METAP1D: variants seen among roughly 807,000 people sequenced by gnomAD.
The protein encoded by METAP1D is methionine aminopeptidase 1D, mitochondrial.
Under a neutral mutation model 40.5 loss-of-function variants are expected in METAP1D, and 31 were observed. That is an observed-to-expected ratio of 0.77 (90% CI 0.58 to 1.03). METAP1D has a LOEUF of 1.03. Among genes scored for constraint, METAP1D ranks in the 50% least tolerant of loss-of-function variants. The pLI is 0.00. For missense variants in METAP1D, 411 were observed against 420.7 expected (o/e 0.98, Z 0.20); for synonymous variants, 151 against 146.4 (o/e 1.03, Z -0.22).
chr2:172,020,054 G>T (rs1015454269), intron 1 of METAP1D, among the ~76,000 whole-genome samples: 1 of 152,076 alleles, frequency 6.6e-6, no homozygotes, highest in Non-Finnish European at 1.5e-5. Context: ...GTGCAGTGGC[G>T]CAATCTTGGC....
chr2:172,039,693 A>G (rs1689470700), intron 1 of METAP1D, among the ~76,000 whole-genome samples: 1 of 146,706 alleles, frequency 6.8e-6, no homozygotes, highest in Non-Finnish European at 1.5e-5. Context: ...TTTGAGATGA[A>G]CTCTCGCTCT....
In METAP1D at chr2:172,018,117, ACT is replaced by A. The variant is rs370167289; in HGVS notation, c.40+18111_40+18112del. ...ACTCCAGCCTGGGTGACAGAGTGAG[ACT>A]CTGTCTCAAAAAAAAAAAAAAAAAA... On this transcript the variant is annotated intron_variant, in intron 1 of 9. Coordinates refer to ENST00000315796, the MANE Select transcript of METAP1D (RefSeq NM_199227.3). 5.5e-3 allele frequency among the ~76,000 whole-genome samples: 633 copies of A among 116,090 alleles called. 8 individuals carry two copies. The highest frequency in any genetic ancestry group is 0.018 in the African/African-American group (536 of 30,142). 76.2% of individuals were successfully genotyped at this position (116,090 alleles called of 152,430 possible). A position where few individuals can be genotyped will look rare whatever the true frequency, so the allele number is the denominator to read the frequency against.
At chr2:172,015,740 G>A (rs756608747) in intron 1 of METAP1D, among the ~76,000 whole-genome samples, 1 of 152,046 alleles carries the variant, frequency 6.6e-6, no homozygotes, top group Non-Finnish European at 1.5e-5. Flanking sequence ...TGGGAGGATC[G>A]CTTAAGGCCA....
chr2:172,016,627 C>A (rs1415635262), intron 1 of METAP1D, among the ~76,000 whole-genome samples: 1 of 150,726 alleles, frequency 6.6e-6, no homozygotes, highest in African/African-American at 2.4e-5. Flanking sequence ...CCCCCACCCC[C>A]CCAAAAAAGA....
chr2:172,016,390 G>A (rs1437227892), intron 1 of METAP1D, among the ~76,000 whole-genome samples: 1 of 145,120 alleles, frequency 6.9e-6, no homozygotes, highest in Non-Finnish European at 1.5e-5. Flanking sequence ...GGCCAAGGCA[G>A]GTGGATGGCT....
chr2:172,013,665 G>T (rs773988874), intron 1 of METAP1D, among the ~76,000 whole-genome samples: 1 of 152,072 alleles, frequency 6.6e-6, no homozygotes, highest in Non-Finnish European at 1.5e-5. Context: ...GGAAATTTGC[G>T]TGTGAAAGAG....
Position 172,022,904 on chromosome 2 carries a change from A to C in METAP1D, c.40+22895A>C, listed in dbSNP as rs144087452. 8.6e-3 allele frequency among the ~76,000 whole-genome samples: 1,312 copies of C among 152,228 alleles called. 20 individuals carry two copies. Among genetic ancestry groups the C allele is most frequent in the African/African-American group, 0.028 (1,162 of 41,526 alleles). On this transcript the variant is annotated intron_variant, in intron 1 of 9. Coordinates refer to ENST00000315796, the MANE Select transcript of METAP1D (RefSeq NM_199227.3). ...AAATTATAAACAATTGTTTGTTTGC[A>C]GCCGGGTGTGGTGGCTTAACATCTG... is the stretch of plus-strand genomic sequence containing the variant.
chr2:172,077,545 G>A (rs375765474), intron 6 of METAP1D, among the ~76,000 whole-genome samples: 5 of 151,168 alleles, frequency 3.3e-5, no homozygotes, highest in South Asian at 2.2e-4. Flanking sequence ...CTGTACAAAG[G>A]TAAATGACTC....
At chr2:172,003,076 A>T (rs1464986424) in intron 1 of METAP1D, among the ~76,000 whole-genome samples, 6 of 152,158 alleles carry the variant, frequency 3.9e-5, no homozygotes, top group Non-Finnish European at 8.8e-5. Context: ...AGTTAAGCTC[A>T]TTAAAAGTAT....
chr2:172,072,678 C>T (rs954897918), intron 6 of METAP1D, among the ~76,000 whole-genome samples: 2 of 151,824 alleles, frequency 1.3e-5, no homozygotes, highest in Non-Finnish European at 1.5e-5. Flanking sequence ...CCCTTTTTGT[C>T]TCTTCTTCCA....
In METAP1D at chr2:172,044,075, G is replaced by A. The variant is rs548442140; in HGVS notation, c.41-17423G>A. On this transcript the variant is annotated intron_variant, in intron 1 of 9. Coordinates refer to ENST00000315796, the MANE Select transcript of METAP1D (RefSeq NM_199227.3). The stretch of plus-strand genomic sequence containing the variant: ...ACCACTGCACTTCGTCTGGGTGACA[G>A]AGCAAGACCCTGTCCCCCCAAAAAA... Among the ~76,000 whole-genome samples the A allele has an allele frequency of 2.2e-5, 3 of 134,656 alleles. 1 individual carries two copies. In the South Asian group the frequency reaches 7.2e-4, roughly 32 times the overall value. The allele number at this position is 134,656 out of a possible 152,430, so 88.3% of individuals were successfully genotyped here. A position where few individuals can be genotyped will look rare whatever the true frequency, so the allele number is the denominator to read the frequency against.
chr2:172,031,537 C>G (rs544579881), intron 1 of METAP1D, among the ~76,000 whole-genome samples: 19 of 152,324 alleles, frequency 1.2e-4, no homozygotes, highest in African/African-American at 4.6e-4. Flanking sequence ...TGGAGGAAGT[C>G]ATTCACATAT....
chr2:172,023,832 T>A (rs1486622034), intron 1 of METAP1D, among the ~76,000 whole-genome samples: 1 of 151,102 alleles, frequency 6.6e-6, no homozygotes, highest in Non-Finnish European at 1.5e-5. Flanking sequence ...CAAATCTAGG[T>A]AGTGTGAGTG....
In METAP1D at chr2:172,042,687, ATG is replaced by A. The variant is rs1187476196; in HGVS notation, c.41-18807_41-18806del. ...TACACATATACGTGTGTATGTGTAT[ATG>A]TGTACACATATACGTGTGTGTGTGT... is the stretch of plus-strand genomic sequence containing the variant. On this transcript the variant is annotated intron_variant, in intron 1 of 9. Transcript: ENST00000315796. 2.3e-4 allele frequency among the ~76,000 whole-genome samples: 6 copies of A among 26,510 alleles called. 3 individuals carry two copies. Among genetic ancestry groups the A allele is most frequent in the Admixed American group, 2.1e-3 (4 of 1,880 alleles). 17.4% of individuals were successfully genotyped at this position (26,510 alleles called of 152,430 possible).
intron 1 of METAP1D, among the ~76,000 whole-genome samples, chr2:172,049,614 T>C (rs1205340665): frequency 1.3e-5 from 2 of 152,120 alleles, no homozygotes; most frequent in East Asian, 1.9e-4. Context: ...GTAAAATTAT[T>C]TGGGCAACAT....
intron 1 of METAP1D, among the ~76,000 whole-genome samples, chr2:172,059,095 TTTTC>T (rs747687566): frequency 1.3e-4 from 20 of 151,286 alleles, no homozygotes; most frequent in Admixed American, 4.6e-4. Context: ...TCTTTTTTCT[TTTTC>T]TTTCTTTCTT....
intron 3 of METAP1D, 150 bp downstream of exon 3, chr2:172,064,010 T>C (rs1439809946): frequency 9.8e-7 from 1 of 1,025,050 alleles, no homozygotes. Flanking sequence ...AAAAATTAAG[T>C]AAAGCCTTGG....
chr2:172,022,182 C>T (rs1295367548), intron 1 of METAP1D, among the ~76,000 whole-genome samples: 2 of 152,196 alleles, frequency 1.3e-5, no homozygotes, highest in Non-Finnish European at 2.9e-5. Context: ...ACCCTGCCCC[C>T]ATGCAGACTC....
chr2:172,025,738 G>A (rs11688839), intron 1 of METAP1D, among the ~76,000 whole-genome samples: 2 of 151,754 alleles, frequency 1.3e-5, no homozygotes, highest in African/African-American at 2.4e-5. Context: ...AGTCTGGGTC[G>A]CTTCGTTGCC....
Sources: allele counts gnomAD v4.1 joint callset (sites outside exome capture counted in the v4.1 genomes callset), GRCh38; gene constraint gnomAD v4.1.1; transcripts MANE v1.5; gene names NCBI Gene and HGNC (gene_info 2026-07-23, HGNC 2026-07-21).